The following NMU variants were observed in gnomAD, a reference collection of about 807,000 sequenced individuals.
The protein encoded by NMU is neuromedin-U.
A neutral mutation model predicts 35.4 loss-of-function variants in NMU; 29 were observed. That is an observed-to-expected ratio of 0.82 (90% confidence interval 0.61 to 1.12). The LOEUF is 1.12. Ranked by LOEUF, NMU falls within the 50% of genes most tolerant of loss-of-function variation. NMU has a pLI of 0.00. For synonymous variants in NMU, 78 were observed against 81.3 expected (o/e 0.96, Z 0.22); for missense variants, 199 against 206.2 (o/e 0.97, Z 0.21).
chr4:55,625,781 T>C (rs1734502222), intron 2 of NMU, among the ~76,000 whole-genome samples: 2 of 151,896 alleles, frequency 1.3e-5, no homozygotes. Flanking sequence ...ATTTCCTCAC[T>C]TTTTTCCCAC....
chr4:55,612,358 C>A (rs1733965432), intron 3 of NMU, among the ~76,000 whole-genome samples: 1 of 152,128 alleles, frequency 6.6e-6, no homozygotes, highest in Non-Finnish European at 1.5e-5. Context: ...TATAATTGTA[C>A]CACTGCATTC....
chr4:55,615,113 T>G (rs761457911), intron 3 of NMU, among the ~76,000 whole-genome samples: 1 of 152,208 alleles, frequency 6.6e-6, no homozygotes, highest in Non-Finnish European at 1.5e-5. Context: ...AGCTGATGAC[T>G]CTGAAAGCAG....
Position 55,630,392 on chromosome 4 carries a change from A to T in NMU, c.171+10T>A. On this transcript the variant is annotated intron_variant, in intron 2 of 9. Transcript: ENST00000264218. ...AGTTTCTACAAATTTGTGTGATGAT[A>T]GTTCCTTACCTCATTCCACAACTGT... The T allele has an allele frequency of 6.3e-7, 1 of 1,598,854 alleles. No homozygotes were observed. The highest frequency in any genetic ancestry group is 8.6e-7 in the Non-Finnish European group (1 of 1,166,428).
intron 9 of NMU, 131 bp from the exon 10 acceptor site, chr4:55,595,542 G>GTGTATATA (rs1455535381): frequency 1.9e-5 from 2 of 107,992 alleles, no homozygotes; most frequent in Non-Finnish European, 3.6e-5. Context: ...TTTCCCAGCT[G>GTGTATATA]TATATATATA....
intron 7 of NMU, 100 bp from the exon 8 acceptor site, chr4:55,600,675 C>A (rs1034276616): frequency 3.7e-6 from 3 of 821,890 alleles, no homozygotes; most frequent in Admixed American, 2.0e-5. Flanking sequence ...TTTCAACTGT[C>A]ATAACTAAAC....
chr4:55,631,439 A>G (rs959952099), intron 1 of NMU, among the ~76,000 whole-genome samples: 3 of 152,208 alleles, frequency 2.0e-5, no homozygotes, highest in Admixed American at 6.5e-5. Flanking sequence ...ACAAAGGACT[A>G]GTATCCAGAA....
chr4:55,599,283 C>G (rs961225456), intron 8 of NMU, 102 bp from the exon 9 acceptor site: 11 of 929,724 alleles, frequency 1.2e-5, no homozygotes, highest in Middle Eastern at 2.1e-4. Context: ...ACGTGCATCA[C>G]AATCATCTAG....
At chr4:55,628,849 A>G (rs1734646110) in intron 2 of NMU, among the ~76,000 whole-genome samples, 1 of 151,432 alleles carries the variant, frequency 6.6e-6, no homozygotes, top group Non-Finnish European at 1.5e-5. Context: ...TTTTCACCTC[A>G]TTTTTAGCAG....
chr4:55,603,939 A>ATGTATATATGTGTATATATATACG (rs1560513419), intron 7 of NMU, among the ~76,000 whole-genome samples: 683 of 63,624 alleles, frequency 0.011, 38 homozygotes, highest in African/African-American at 0.04. Flanking sequence ...ATATATATAT[A>ATGTATATATGTGTATATATATACG]TATATATGTA....
At chr4:55,632,770 A>AT (rs1271103091) in intron 1 of NMU, among the ~76,000 whole-genome samples, 4 of 152,146 alleles carry the variant, frequency 2.6e-5, no homozygotes, top group African/African-American at 9.7e-5. Flanking sequence ...GTAAAAGTGG[A>AT]AGTTTCCACC....
chr4:55,595,563 T>TATAC lies in NMU; in HGVS notation c.*5-153_*5-152insGTAT, dbSNP rs755203914. ...AGCTGTATATATATATATATATATA[T>TATAC]ACACACACACACACACACACATGCA... On this transcript the variant is annotated intron_variant, in intron 9 of 9. Coordinates refer to ENST00000264218, the MANE Select transcript of NMU (RefSeq NM_006681.4). Among the ~76,000 whole-genome samples, 397 of 120,046 alleles carry TATAC rather than the reference T, an allele frequency of 3.3e-3. 2 individuals are homozygous for TATAC. Among genetic ancestry groups the TATAC allele is most frequent in the African/African-American group, 0.011 (365 of 32,962 alleles). The allele number at this position is 120,046 out of a possible 152,430, so 78.8% of individuals were successfully genotyped here. A position where few individuals can be genotyped will look rare whatever the true frequency, so the allele number is the denominator to read the frequency against.
At chr4:55,598,729 C>T (rs773530510) in intron 9 of NMU, among the ~76,000 whole-genome samples, 15 of 152,272 alleles carry the variant, frequency 9.9e-5, no homozygotes, top group Middle Eastern at 6.8e-3. Context: ...ATTTAGATGA[C>T]AGAAGTACTT....
chr4:55,632,177 G>A (rs946343922), intron 1 of NMU, among the ~76,000 whole-genome samples: 3 of 152,064 alleles, frequency 2.0e-5, no homozygotes, highest in Non-Finnish European at 4.4e-5. Flanking sequence ...AGGGGGTTGG[G>A]GGATAAAAGA....
At chr4:55,601,048 G>A (rs1417925905) in intron 7 of NMU, among the ~76,000 whole-genome samples, 2 of 151,958 alleles carry the variant, frequency 1.3e-5, no homozygotes, top group African/African-American at 4.8e-5. Context: ...TGAAATTGAA[G>A]GACAAATTTG....
At chr4:55,607,498 T>C (rs541498730) in intron 4 of NMU, 32 bp from the exon 5 acceptor site, 149 of 779,388 alleles carry the variant, frequency 1.9e-4, no homozygotes, top group East Asian at 3.4e-4. Context: ...TATATCATTA[T>C]ATATTGTAAA....
intron 2 of NMU, among the ~76,000 whole-genome samples, chr4:55,618,988 A>G (rs1414847127): frequency 6.8e-6 from 1 of 147,046 alleles, no homozygotes; most frequent in Non-Finnish European, 1.5e-5. Flanking sequence ...TCCAACCTCA[A>G]CCTCCTGAGT....
chr4:55,604,027 A>ACGTATATATGTATATATGTGT (rs1733567304), intron 7 of NMU, among the ~76,000 whole-genome samples: 9 of 29,000 alleles, frequency 3.1e-4, no homozygotes, highest in African/African-American at 9.2e-4. Context: ...GTATATATAT[A>ACGTATATATGTATATATGTGT]ATCCTAGAAA....
intron 1 of NMU, among the ~76,000 whole-genome samples, chr4:55,634,471 A>G (rs1404688986): frequency 2.0e-5 from 3 of 152,190 alleles, no homozygotes; most frequent in African/African-American, 7.2e-5. Flanking sequence ...ACCAAGACTC[A>G]TCTCTTTTAG....
chr4:55,612,684 T>A (rs1267766983), intron 3 of NMU, among the ~76,000 whole-genome samples: 1 of 152,208 alleles, frequency 6.6e-6, no homozygotes, highest in African/African-American at 2.4e-5. Context: ...TTCAGTAAGA[T>A]TGAACTTTGA....
Sources: allele counts gnomAD v4.1 joint callset (sites outside exome capture counted in the v4.1 genomes callset), GRCh38; gene constraint gnomAD v4.1.1; transcripts MANE v1.5; gene names NCBI Gene and HGNC (gene_info 2026-07-23, HGNC 2026-07-21).